Variants in RBFOX1 observed in about 807,000 individuals in gnomAD.
RBFOX1 encodes RNA binding fox-1 homolog 1.
A neutral mutation model predicts 57.7 loss-of-function variants in RBFOX1; 8 were observed. The observed-to-expected ratio is 0.14, with a 90% confidence interval of 0.08 to 0.25. The LOEUF (loss-of-function observed/expected upper bound fraction) is 0.25. Ranked by LOEUF, RBFOX1 falls within the 10% of genes least tolerant of loss-of-function variation. RBFOX1 has a pLI of 1.00. For missense variants in RBFOX1, 611 were observed against 548.5 expected, an observed-to-expected ratio of 1.11 and a Z score of -1.14; for synonymous variants, 326 against 222.4, an observed-to-expected ratio of 1.47 and a Z score of -4.15.
chr16:6,231,575 A>G (rs576229617), intron 1 of RBFOX1, among the ~76,000 whole-genome samples: 2 of 152,340 alleles, frequency 1.3e-5, no homozygotes, highest in Admixed American at 6.5e-5. Context: ...CCTGTCCAGA[A>G]TTTAGTTGCC....
At chr16:6,256,285 GTGTATATATATA>G (rs1302541382) in intron 1 of RBFOX1, among the ~76,000 whole-genome samples, 7 of 114,224 alleles carry the variant, frequency 6.1e-5, no homozygotes, top group African/African-American at 2.5e-4. Flanking sequence ...ATATATATGT[GTGTATATATATA>G]TGTATATATA....
At chr16:7,099,565 A>C (rs1354375251) in intron 4 of RBFOX1, among the ~76,000 whole-genome samples, 1 of 152,080 alleles carries the variant, frequency 6.6e-6, no homozygotes, top group East Asian at 1.9e-4. Context: ...TATTTTGCTG[A>C]GGTTAAGGTT....
chr16:5,868,981 T>C (rs1380384382), intron 4 of RBFOX1, among the ~76,000 whole-genome samples: 1 of 152,152 alleles, frequency 6.6e-6, no homozygotes, highest in African/African-American at 2.4e-5. Context: ...TTAAAAAAAT[T>C]TTGTGATGTA....
chr16:5,526,201 G>A (rs1279869200), intron 2 of RBFOX1, among the ~76,000 whole-genome samples: 1 of 152,056 alleles, frequency 6.6e-6, no homozygotes, highest in South Asian at 2.1e-4. Flanking sequence ...TATCCTTGTC[G>A]AAGGAAGCTG....
At chr16:7,222,285 A>G (rs934568516) in intron 4 of RBFOX1, among the ~76,000 whole-genome samples, 1 of 152,204 alleles carries the variant, frequency 6.6e-6, no homozygotes, top group African/African-American at 2.4e-5. Context: ...CGTAAGATAT[A>G]ATACTACACT....
At chr16:7,203,318 C>G (rs867948225) in intron 4 of RBFOX1, among the ~76,000 whole-genome samples, 2 of 152,154 alleles carry the variant, frequency 1.3e-5, no homozygotes, top group African/African-American at 4.8e-5. Context: ...TAATTCCACT[C>G]ACATGAAGTT....
At chr16:5,553,120 C>T (rs1024693919) in intron 2 of RBFOX1, among the ~76,000 whole-genome samples, 1 of 151,988 alleles carries the variant, frequency 6.6e-6, no homozygotes, top group African/African-American at 2.4e-5. Flanking sequence ...CATCACATAC[C>T]CGGGCCTGTC....
intron 1 of RBFOX1, among the ~76,000 whole-genome samples, chr16:6,167,680 C>G (rs2096927854): frequency 6.6e-6 from 1 of 152,104 alleles, no homozygotes; most frequent in African/African-American, 2.4e-5. Context: ...AATGTCCAAC[C>G]AACCTTTTAG....
chr16:7,249,415 C>T (rs1278731166), intron 4 of RBFOX1, among the ~76,000 whole-genome samples: 1 of 152,086 alleles, frequency 6.6e-6, no homozygotes, highest in Non-Finnish European at 1.5e-5. Flanking sequence ...CTTCCAAGGG[C>T]CATAGAAATT....
intron 3 of RBFOX1, among the ~76,000 whole-genome samples, chr16:6,967,364 G>C (rs1025972585): frequency 6.6e-6 from 1 of 152,130 alleles, no homozygotes; most frequent in Non-Finnish European, 1.5e-5. Flanking sequence ...CATGTTCCTT[G>C]AGCAGGGAAG....
At chr16:5,407,771 A>G (rs1013762032) in intron 1 of RBFOX1, among the ~76,000 whole-genome samples, 1 of 151,918 alleles carries the variant, frequency 6.6e-6, no homozygotes, top group Non-Finnish European at 1.5e-5. Flanking sequence ...CTGGTCTCGA[A>G]CTCCTGACCT....
At chr16:6,647,908 C>G (rs763893775) in intron 2 of RBFOX1, among the ~76,000 whole-genome samples, 5 of 152,148 alleles carry the variant, frequency 3.3e-5, no homozygotes, top group Admixed American at 1.3e-4. Flanking sequence ...GTGGTGCAAT[C>G]TCGGCTTACT....
intron 4 of RBFOX1, among the ~76,000 whole-genome samples, chr16:7,291,888 A>G (rs967296196): frequency 2.1e-5 from 3 of 145,928 alleles, no homozygotes; most frequent in African/African-American, 7.5e-5. Context: ...TATAAAATAT[A>G]TAATGTACTA....
chr16:5,257,873 G>A (rs55866342), intron 1 of RBFOX1, among the ~76,000 whole-genome samples: 21,129 of 152,002 alleles, frequency 0.14, 1,872 homozygotes, highest in East Asian at 0.33. Context: ...GGGATCAAGA[G>A]GGTTTTTGTT....
At chr16:7,240,978 C>G (rs960671946) in intron 4 of RBFOX1, among the ~76,000 whole-genome samples, 2 of 152,334 alleles carry the variant, frequency 1.3e-5, no homozygotes, top group East Asian at 1.9e-4. Flanking sequence ...TTCCCCCACA[C>G]CTTCCCAAAC....
At chr16:7,375,513 T>G (rs564458347) in intron 4 of RBFOX1, among the ~76,000 whole-genome samples, 41 of 152,072 alleles carry the variant, frequency 2.7e-4, no homozygotes, top group African/African-American at 8.9e-4. Flanking sequence ...TTTGTTTTTT[T>G]TTTTTTTAAT....
chr16:6,437,076 A>C (rs1023658266), intron 2 of RBFOX1, among the ~76,000 whole-genome samples: 1 of 152,288 alleles, frequency 6.6e-6, no homozygotes, highest in African/African-American at 2.4e-5. Context: ...AAGGTTCTTC[A>C]TCTGGACTTA....
chr16:6,323,814 C>G (rs1055919406), intron 2 of RBFOX1, among the ~76,000 whole-genome samples: 1 of 151,906 alleles, frequency 6.6e-6, no homozygotes, highest in Non-Finnish European at 1.5e-5. Context: ...ACTCTTTCAC[C>G]CAGGTGGGAG....
At chr16:5,652,955 G>C (rs1169605852) in intron 3 of RBFOX1, among the ~76,000 whole-genome samples, 1 of 152,228 alleles carries the variant, frequency 6.6e-6, no homozygotes, top group Non-Finnish European at 1.5e-5. Context: ...CTGGGTCTCT[G>C]CTGCACCCTG....
Sources: allele counts gnomAD v4.1 joint callset (sites outside exome capture counted in the v4.1 genomes callset), GRCh38; gene constraint gnomAD v4.1.1; transcripts MANE v1.5; gene names NCBI Gene and HGNC (gene_info 2026-07-23, HGNC 2026-07-21).